TNFRSF21: variants seen among roughly 807,000 people sequenced by gnomAD.
TNFRSF21 encodes TNF receptor superfamily member 21.
A neutral mutation model predicts 45.6 loss-of-function variants in TNFRSF21; 19 were observed. That is an observed-to-expected ratio of 0.42 (90% CI 0.29 to 0.61). TNFRSF21 has a LOEUF of 0.61. Ranked by LOEUF, TNFRSF21 falls within the 20% of genes least tolerant of loss-of-function variation. TNFRSF21 has a pLI of 0.23. For synonymous variants in TNFRSF21, 314 were observed against 335.5 expected (o/e 0.94, Z 0.70); for missense variants, 737 against 851.5 (o/e 0.87, Z 1.67).
At chr6:47,297,207 GT>G (rs1289946708) in intron 1 of TNFRSF21, among the ~76,000 whole-genome samples, 1 of 152,002 alleles carries the variant, frequency 6.6e-6, no homozygotes, top group African/African-American at 2.4e-5. Context: ...AAACACGTTG[GT>G]TTTTTTTAAT....
At chr6:47,264,908 C>G (rs1762311004) in intron 3 of TNFRSF21, among the ~76,000 whole-genome samples, 2 of 152,294 alleles carry the variant, frequency 1.3e-5, no homozygotes, top group South Asian at 4.1e-4. Flanking sequence ...AAGGGAATAA[C>G]CTGCTCCCTT....
At chr6:47,262,392 A>T (rs1765086348) in intron 3 of TNFRSF21, among the ~76,000 whole-genome samples, 1 of 152,218 alleles carries the variant, frequency 6.6e-6, no homozygotes, top group Non-Finnish European at 1.5e-5. Context: ...TAACTTATTC[A>T]TTCAACAAAA....
At position 47,232,399 on chromosome 6, in the gene TNFRSF21, C is replaced by T. The variant is rs1031650987; in HGVS notation, c.*366G>A. The T allele has an allele frequency of 4.2e-5, 8 of 190,434 alleles. No individual in the cohort carries two copies. Among genetic ancestry groups the T allele is most frequent in the Non-Finnish European group, 7.6e-5 (7 of 91,872 alleles). 11.8% of individuals were successfully genotyped at this position (190,434 alleles called of 1,614,324 possible). On this transcript the variant is annotated 3_prime_UTR_variant, in exon 6 of 6. Transcript: ENST00000296861. ...CCAGTGTGTGGGAAAAGTCACACTG[C>T]ATTTATGGTAAGTTAAGTAAATTTA...
chr6:47,303,172 C>T (rs1456769739), intron 1 of TNFRSF21, among the ~76,000 whole-genome samples: 1 of 152,200 alleles, frequency 6.6e-6, no homozygotes, highest in Non-Finnish European at 1.5e-5. Context: ...AGCTCATGTT[C>T]CTTTTCCCAA....
Position 47,253,359 on chromosome 6 carries a change from C to T in TNFRSF21, c.1406G>A (p.Arg469Gln), listed in dbSNP as rs879028245. The T allele has an allele frequency of 8.1e-6, 13 of 1,613,904 alleles. No individual in the cohort carries two copies. Among genetic ancestry groups the T allele is most frequent in the African/African-American group, 2.7e-5 (2 of 74,886 alleles). The stretch of plus-strand genomic sequence containing the variant: ...CTGGGCGAGGCTGGCCTCGGGGCCC[C>T]GGATGGTCCAGTGCTGCAGAGCTGC... ...AYAALQHWTI[R>Q]GPEASLAQLI... Residue 469 changes from arginine to glutamine, a missense_variant, in exon 4 of 6, where the codon CGG becomes CAG. Coordinates refer to ENST00000296861, the MANE Select transcript of TNFRSF21 (RefSeq NM_014452.5).
At chr6:47,271,883 A>T (rs1328865657) in intron 3 of TNFRSF21, among the ~76,000 whole-genome samples, 1 of 152,206 alleles carries the variant, frequency 6.6e-6, no homozygotes, top group Non-Finnish European at 1.5e-5. Context: ...CTGATAAAAC[A>T]GACTTTAAAC....
intron 3 of TNFRSF21, among the ~76,000 whole-genome samples, chr6:47,281,525 C>T (rs1008825635): frequency 1.3e-5 from 2 of 152,038 alleles, no homozygotes; most frequent in East Asian, 1.9e-4. Flanking sequence ...GGACTATAGG[C>T]GTGTGCCACC....
At chr6:47,240,109 C>T (rs1219579477) in intron 4 of TNFRSF21, among the ~76,000 whole-genome samples, 1 of 152,132 alleles carries the variant, frequency 6.6e-6, no homozygotes, top group African/African-American at 2.4e-5. Context: ...CCCCTTGGCT[C>T]CTGACACTAC....
chr6:47,283,033 A>G (rs1762591907), intron 3 of TNFRSF21, among the ~76,000 whole-genome samples: 1 of 152,254 alleles, frequency 6.6e-6, no homozygotes, highest in South Asian at 2.1e-4. Flanking sequence ...AATATTTGTA[A>G]GACCCCAAAA....
chr6:47,299,831 G>A (rs1762841662), intron 1 of TNFRSF21, among the ~76,000 whole-genome samples: 1 of 152,156 alleles, frequency 6.6e-6, no homozygotes, highest in African/African-American at 2.4e-5. Context: ...GGTGGCTGGT[G>A]GCATTCTAAA....
chr6:47,234,844 G>T lies in TNFRSF21; in HGVS notation c.1564C>A (p.Pro522Thr). ...PMSPSPLSPS[P>T]IPSPNAKLEN... ...AGTTTCGCGTTGGGGCTGGGGATGG[G>T]GCTCGGGCTAAGCGGGCTGGGGCTC... Residue 522 changes from proline (P) to threonine (T), a missense_variant, in exon 5 of 6, where the codon CCC becomes ACC. Transcript: ENST00000296861. 1 of 1,513,876 alleles carries T rather than the reference G, an allele frequency of 6.6e-7. No individual in the cohort carries two copies. The highest frequency in any genetic ancestry group is 2.4e-5 in the Admixed American group (1 of 41,626). The allele number at this position is 1,513,876 out of a possible 1,614,324, so 93.8% of individuals were successfully genotyped here.
rs1762808225 is a variant in TNFRSF21, at chr6:47,297,519, T to A, written c.97-10924A>T. On this transcript the variant is annotated intron_variant, in intron 1 of 5. Coordinates refer to ENST00000296861, the MANE Select transcript of TNFRSF21 (RefSeq NM_014452.5). Reference sequence around the variant, plus strand: ...ATCCTTTCTCTTTTTACTTTTTTTTTTTTTTTTTTTTTGAGTTTTTTGAGA... The same window carrying A: ...ATCCTTTCTCTTTTTACTTTTTTTTATTTTTTTTTTTTGAGTTTTTTGAGA... Among the ~76,000 whole-genome samples, 3 of 149,682 alleles carry A rather than the reference T, an allele frequency of 2.0e-5. No homozygotes were observed. In the South Asian group the frequency reaches 6.3e-4, roughly 32 times the overall value.
chr6:47,277,387 G>A (rs1268827124), intron 3 of TNFRSF21, among the ~76,000 whole-genome samples: 1 of 152,224 alleles, frequency 6.6e-6, no homozygotes, highest in African/African-American at 2.4e-5. Context: ...CAGAGAGGAA[G>A]GAGGTGATGA....
At chr6:47,244,164 T>A (rs1764790559) in intron 4 of TNFRSF21, among the ~76,000 whole-genome samples, 2 of 151,652 alleles carry the variant, frequency 1.3e-5, no homozygotes, top group South Asian at 4.2e-4. Context: ...TACTAAAAAA[T>A]ACAAAAAAAA....
intron 3 of TNFRSF21, among the ~76,000 whole-genome samples, chr6:47,268,550 T>G (rs1369479383): frequency 7.9e-5 from 12 of 152,192 alleles, no homozygotes; most frequent in Admixed American, 7.9e-4. Context: ...AAGGTTTCAT[T>G]TGTGTTGAAA....
At chr6:47,306,634 ATATAT>A (rs1175022301) in intron 1 of TNFRSF21, among the ~76,000 whole-genome samples, 2 of 152,230 alleles carry the variant, frequency 1.3e-5, no homozygotes, top group African/African-American at 2.4e-5. Flanking sequence ...ATACATGTGT[ATATAT>A]TATATCATAT....
At chr6:47,268,881 T>C (rs985107671) in intron 3 of TNFRSF21, among the ~76,000 whole-genome samples, 1 of 152,178 alleles carries the variant, frequency 6.6e-6, no homozygotes, top group Non-Finnish European at 1.5e-5. Context: ...CAGTCTCCAA[T>C]ATCCTTATTT....
At chr6:47,302,452 A>G (rs1399045684) in intron 1 of TNFRSF21, among the ~76,000 whole-genome samples, 1 of 152,216 alleles carries the variant, frequency 6.6e-6, no homozygotes. Context: ...AATATTTTTC[A>G]AAATGACCCA....
intron 4 of TNFRSF21, among the ~76,000 whole-genome samples, chr6:47,252,807 G>A (rs1764918858): frequency 6.6e-6 from 1 of 152,194 alleles, no homozygotes; most frequent in Non-Finnish European, 1.5e-5. Context: ...AGCACCACCT[G>A]CATCCTCAGG....
Sources: allele counts gnomAD v4.1 joint callset (sites outside exome capture counted in the v4.1 genomes callset), GRCh38; gene constraint gnomAD v4.1.1; transcripts MANE v1.5; gene names NCBI Gene and HGNC (gene_info 2026-07-23, HGNC 2026-07-21).